Variants in CHML observed in about 807,000 individuals in gnomAD.
The protein encoded by CHML is rab proteins geranylgeranyltransferase component A 2.
Under a neutral mutation model 30.4 loss-of-function variants are expected in CHML, and 20 were observed. That is an observed-to-expected ratio of 0.66 (90% CI 0.46 to 0.95). The LOEUF is 0.95. Ranked by LOEUF, CHML falls within the 40% of genes least tolerant of loss-of-function variation. CHML has a pLI of 0.00. For synonymous variants in CHML, 281 were observed against 275.0 expected (o/e 1.02, Z -0.22); for missense variants, 795 against 768.5 (o/e 1.03, Z -0.41).
At position 241,633,385 on chromosome 1, in the gene CHML, C is replaced by T. The variant is rs568825750; in HGVS notation, c.*411G>A. On this transcript the variant is annotated 3_prime_UTR_variant, in exon 2 of 2. Transcript: ENST00000366553. ...TGTATGTTTCACTATTCGAACAGGC[C>T]GCAGCAACTGTAACAGCTGCAAAAG... 7.5e-4 allele frequency: 129 copies of T among 171,474 alleles called. No individual in the cohort carries two copies. In the South Asian group the frequency reaches 8.2e-3, roughly 11 times the overall value. 10.6% of individuals were successfully genotyped at this position (171,474 alleles called of 1,614,324 possible). A position where few individuals can be genotyped will look rare whatever the true frequency, so the allele number is the denominator to read the frequency against.
At chr1:241,636,138 A>G in intron 1 of CHML, 65 bp from the exon 2 acceptor site, 1 of 414,042 alleles carries the variant, frequency 2.4e-6, no homozygotes, top group Non-Finnish European at 4.3e-6. Flanking sequence ...AATTTCATGC[A>G]ACAATGACAA....
In CHML at chr1:241,630,007, T is replaced by C. The variant is rs1664562519; in HGVS notation, c.*3789A>G. 6.6e-6 allele frequency: 1 copy of C among 152,102 alleles called. No individual in the cohort carries two copies. Among genetic ancestry groups the C allele is most frequent in the Non-Finnish European group, 1.5e-5 (1 of 67,928 alleles). The allele number at this position is 152,102 out of a possible 1,614,324, so 9.4% of individuals were successfully genotyped here. On this transcript the variant is annotated 3_prime_UTR_variant, in exon 2 of 2. Coordinates refer to ENST00000366553, the MANE Select transcript of CHML (RefSeq NM_001381853.1). ...ATGCCATATTCCACACAGCAACCAG[T>C]TGGAATGTTAAATGGAACTGTAGTA...
Position 241,633,834 on chromosome 1 carries a change from T to C in CHML, c.1933A>G (p.Lys645Glu), listed in dbSNP as rs1281650061. 1 of 1,613,760 alleles carries C rather than the reference T, an allele frequency of 6.2e-7. No homozygotes were observed. The highest frequency in any genetic ancestry group is 1.3e-5 in the African/African-American group (1 of 74,912). ...MAKLESSEES[K>E]NLESPEKHLQ... ...TGCTTCTCTGGGCTTTCTAGGTTTT[T>C]GCTTTCCTCAGAGGATTCTAGTTTG... Residue 645 changes from lysine (K) to glutamate (E), a missense_variant, in exon 2 of 2, where the codon AAA becomes GAA. Lys to Glu is a moderately conservative substitution (Grantham distance 56). Transcript: ENST00000366553.
In CHML at chr1:241,631,085, C is replaced by T. The variant is rs1011531989; in HGVS notation, c.*2711G>A. On this transcript the variant is annotated 3_prime_UTR_variant, in exon 2 of 2. Coordinates refer to ENST00000366553, the MANE Select transcript of CHML (RefSeq NM_001381853.1). ...TTATTTAAACATTTGAAAAAGTTCACCAGTAAGTCCATTAGGGTCAAAGTC... is the reference window on the plus strand; with the variant it reads ...TTATTTAAACATTTGAAAAAGTTCATCAGTAAGTCCATTAGGGTCAAAGTC... The T allele has an allele frequency of 1.3e-5, 2 of 152,068 alleles. No homozygotes were observed. The highest frequency in any genetic ancestry group is 4.8e-5 in the African/African-American group (2 of 41,414). 9.4% of individuals were successfully genotyped at this position (152,068 alleles called of 1,614,324 possible).
Position 241,633,864 on chromosome 1 carries a change from T to C in CHML, c.1903A>G (p.Met635Val), listed in dbSNP as rs1459374705. The change falls in exon 2 of 2, where the codon ATG (methionine) becomes GTG (valine). Residue 635 changes from methionine to valine, a missense_variant. Physicochemically the swap from Met to Val is conservative, Grantham distance 21. Coordinates refer to ENST00000366553, the MANE Select transcript of CHML (RefSeq NM_001381853.1). ...TCCTCAGAGGATTCTAGTTTGGCCA[T>C]TACTACATTATTGGTTCCAGGAGCC... Reference protein sequence around the residue: ...PEAPGTNNVVMAKLESSEESK... With the variant: ...PEAPGTNNVVVAKLESSEESK... The C allele has an allele frequency of 6.2e-7, 1 of 1,613,902 alleles. No individual in the cohort carries two copies.
At chr1:241,638,374 A>G (rs2148032836) in intron 1 of CHML, among the ~76,000 whole-genome samples, 1 of 152,322 alleles carries the variant, frequency 6.6e-6, no homozygotes, top group East Asian at 1.9e-4. Context: ...TAAAGAACTC[A>G]GTACACCCTT....
At chr1:241,636,963 A>T (rs955800135) in intron 1 of CHML, among the ~76,000 whole-genome samples, 2 of 151,810 alleles carry the variant, frequency 1.3e-5, no homozygotes, top group African/African-American at 4.8e-5. Flanking sequence ...TTTAAAAAAA[A>T]AAAAATAATA....
intron 1 of CHML, among the ~76,000 whole-genome samples, chr1:241,636,955 T>A (rs368304193): frequency 6.8e-6 from 1 of 148,026 alleles, no homozygotes. Context: ...AGGGGAAGTT[T>A]AAAAAAAAAA....
chr1:241,630,293 T>C lies in CHML; in HGVS notation c.*3503A>G, dbSNP rs958700851. The stretch of plus-strand genomic sequence containing the variant: ...ACACTGGCATGGCTCCCATGGGAGT[T>C]TGTTCATGTTTAAAAATATAGCTCT... On this transcript the variant is annotated 3_prime_UTR_variant, in exon 2 of 2. Transcript: ENST00000366553. 4 of 152,094 alleles carry C rather than the reference T, an allele frequency of 2.6e-5. No individual in the cohort carries two copies. Among genetic ancestry groups the C allele is most frequent in the Non-Finnish European group, 5.9e-5 (4 of 67,928 alleles). 9.4% of individuals were successfully genotyped at this position (152,094 alleles called of 1,614,324 possible).
rs1664591954 is a variant in CHML, at chr1:241,630,558, A to G, written c.*3238T>C. On this transcript the variant is annotated 3_prime_UTR_variant, in exon 2 of 2. Coordinates refer to ENST00000366553, the MANE Select transcript of CHML (RefSeq NM_001381853.1). ...AGTTGTAAAGCCATGTTAATAGAAAATATTTATGCTACTTTCCTTATCTTC... is the reference window on the plus strand; with the variant it reads ...AGTTGTAAAGCCATGTTAATAGAAAGTATTTATGCTACTTTCCTTATCTTC... 1 of 152,182 alleles carries G rather than the reference A, an allele frequency of 6.6e-6. No individual in the cohort carries two copies. Among genetic ancestry groups the G allele is most frequent in the East Asian group, 1.9e-4 (1 of 5,180 alleles). 9.4% of individuals were successfully genotyped at this position (152,182 alleles called of 1,614,324 possible).
chr1:241,631,456 T>C lies in CHML; in HGVS notation c.*2340A>G, dbSNP rs1664630182. 6.6e-6 allele frequency: 1 copy of C among 152,120 alleles called. No homozygotes were observed. Among genetic ancestry groups the C allele is most frequent in the Non-Finnish European group, 1.5e-5 (1 of 67,998 alleles). 9.4% of individuals were successfully genotyped at this position (152,120 alleles called of 1,614,324 possible). A position where few individuals can be genotyped will look rare whatever the true frequency, so the allele number is the denominator to read the frequency against. On this transcript the variant is annotated 3_prime_UTR_variant, in exon 2 of 2. Coordinates refer to ENST00000366553, the MANE Select transcript of CHML (RefSeq NM_001381853.1). ...TATAGGTCTATTTCAAGTATTTCAG[T>C]TGTTCTGTTAGATTTAAACTTTAGG...
At position 241,629,992 on chromosome 1, in the gene CHML, C is replaced by G. The variant is rs1210205368; in HGVS notation, c.*3804G>C. ...TAATTTATTACAATTATGCCATATT[C>G]CACACAGCAACCAGTTGGAATGTTA... On this transcript the variant is annotated 3_prime_UTR_variant, in exon 2 of 2. Transcript: ENST00000366553. 6.6e-6 allele frequency: 1 copy of G among 152,016 alleles called. No homozygotes were observed. Among genetic ancestry groups the G allele is most frequent in the Non-Finnish European group, 1.5e-5 (1 of 67,926 alleles). 9.4% of individuals were successfully genotyped at this position (152,016 alleles called of 1,614,324 possible). A position where few individuals can be genotyped will look rare whatever the true frequency, so the allele number is the denominator to read the frequency against.
Position 241,640,233 on chromosome 1 carries a change from C to T in CHML, c.-659G>A, listed in dbSNP as rs1665071927. 11 of 1,315,776 alleles carry T rather than the reference C, an allele frequency of 8.4e-6. No homozygotes were observed. In the South Asian group the frequency reaches 2.1e-4, roughly 25 times the overall value. The allele number at this position is 1,315,776 out of a possible 1,614,324, so 81.5% of individuals were successfully genotyped here. On this transcript the variant is annotated 5_prime_UTR_variant, in exon 1 of 2. Coordinates refer to ENST00000366553, the MANE Select transcript of CHML (RefSeq NM_001381853.1). ...CCGCCGTCCCAGTAGCCGTGGCCGC[C>T]GCTGCGGTTCCCCGAGTACATGGCC...
In CHML at chr1:241,634,246, C is replaced by T. The variant is rs532237518; in HGVS notation, c.1521G>A (p.Leu507=). The T allele has an allele frequency of 2.5e-6, 4 of 1,613,722 alleles. No individual in the cohort carries two copies. Among genetic ancestry groups the T allele is most frequent in the African/African-American group, 1.3e-5 (1 of 74,900 alleles). ...STMTCMKDTY[L]VHLTCSSSKT... ...TAGAAGATGAACATGTCAAATGTAC[C>T]AGATAGGTGTCCTTCATGCATGTCA... Residue 507 remains leucine (L), a synonymous_variant, in exon 2 of 2, where the codon CTG becomes CTA. Transcript: ENST00000366553.
rs1345470573 is a variant in CHML at position 241,635,162 on chromosome 1, T to G, written c.605A>C (p.Lys202Thr). ...SDKDGDKDESKSTVEDKADEP... is the reference protein window; with the variant it reads ...SDKDGDKDESTSTVEDKADEP... ...ATCGGCCTTATCTTCTACTGTAGAT[T>G]TGCTTTCATCTTTATCTCCATCTTT... The change falls in exon 2 of 2, where the codon AAA becomes ACA. Residue 202 changes from lysine to threonine, a missense_variant. Physicochemically the swap from Lys to Thr is moderately conservative, Grantham distance 78. Coordinates refer to ENST00000366553, the MANE Select transcript of CHML (RefSeq NM_001381853.1). 6.2e-7 allele frequency: 1 copy of G among 1,612,966 alleles called. No homozygotes were observed. Among genetic ancestry groups the G allele is most frequent in the South Asian group, 1.1e-5 (1 of 91,082 alleles).
chr1:241,637,919 C>T (rs1006552832), intron 1 of CHML, among the ~76,000 whole-genome samples: 1 of 152,186 alleles, frequency 6.6e-6, no homozygotes, highest in Admixed American at 6.5e-5. Context: ...TCCTCCCCTT[C>T]AATACTCCAC....
In CHML at chr1:241,640,203, C is replaced by T. The variant is rs1372607435; in HGVS notation, c.-629G>A. On this transcript the variant is annotated 5_prime_UTR_variant, in exon 1 of 2. Coordinates refer to ENST00000366553, the MANE Select transcript of CHML (RefSeq NM_001381853.1). ...GGCGCCGGCCCCTCAGCGCCCGCGG[C>T]CCCGCCGCCGTCCCAGTAGCCGTGG... is the stretch of plus-strand genomic sequence containing the variant. 3.2e-5 allele frequency: 44 copies of T among 1,363,986 alleles called. No homozygotes were observed. In the African/African-American group the frequency reaches 3.7e-4, roughly 11 times the overall value. The allele number at this position is 1,363,986 out of a possible 1,614,324, so 84.5% of individuals were successfully genotyped here. A position where few individuals can be genotyped will look rare whatever the true frequency, so the allele number is the denominator to read the frequency against.
chr1:241,638,399 G>C (rs1032132193), intron 1 of CHML, among the ~76,000 whole-genome samples: 4 of 152,056 alleles, frequency 2.6e-5, no homozygotes, highest in African/African-American at 9.7e-5. Flanking sequence ...TCAAACTCCC[G>C]GGCACGAAAA....
In CHML at chr1:241,635,487, C is replaced by T; in HGVS notation, c.280G>A (p.Glu94Lys). The T allele has an allele frequency of 6.2e-7, 1 of 1,613,868 alleles. No homozygotes were observed. The highest frequency in any genetic ancestry group is 8.5e-7 in the Non-Finnish European group (1 of 1,179,944). The stretch of plus-strand genomic sequence containing the variant: ...AAAGCTTCTGTGTGTTGAATAGTTT[C>T]ATCCTTCTTGCGAAGAGTGATGGCT... ...EEAITLRKKD[E>K]TIQHTEAFCY... is the part of the protein sequence containing the mutation. Residue 94 changes from glutamate to lysine, a missense_variant, in exon 2 of 2, where the codon GAA becomes AAA. Coordinates refer to ENST00000366553, the MANE Select transcript of CHML (RefSeq NM_001381853.1).
Sources: gnomAD v4.1 joint callset for allele counts (sites outside exome capture counted in the v4.1 genomes callset) on GRCh38, gnomAD v4.1.1 for gene constraint, MANE v1.5 for transcripts, NCBI Gene and HGNC (gene_info 2026-07-23, HGNC 2026-07-21) for gene names.